Variants in ITCH observed in about 807,000 individuals in gnomAD.
The protein encoded by ITCH is E3 ubiquitin-protein ligase Itchy homolog.
In ITCH, 28 loss-of-function variants were observed where a neutral mutation model predicts 126.8. The ratio of observed to expected loss-of-function variants is 0.22; its 90% CI spans 0.16 to 0.30. The LOEUF (loss-of-function observed/expected upper bound fraction) is 0.30. Among genes scored for constraint, ITCH ranks in the 10% least tolerant of loss-of-function variants. The pLI is 1.00. For missense variants in ITCH, 631 were observed against 1,032.4 expected (o/e 0.61, Z 5.33); for synonymous variants, 342 against 340.0 (o/e 1.01, Z -0.06).
chr20:34,435,656 A>G (rs1206854159), intron 7 of ITCH, among the ~76,000 whole-genome samples: 1 of 152,216 alleles, frequency 6.6e-6, no homozygotes, highest in Non-Finnish European at 1.5e-5. Context: ...TGACTTCTCA[A>G]CTGGAACATT....
At chr20:34,422,001 T>C (rs1980841389) in intron 6 of ITCH, among the ~76,000 whole-genome samples, 1 of 152,126 alleles carries the variant, frequency 6.6e-6, no homozygotes, top group Non-Finnish European at 1.5e-5. Context: ...GGACAATGCA[T>C]CAAGACCCTT....
chr20:34,445,169 T>C, intron 10 of ITCH, 118 bp from the exon 11 acceptor site: 1 of 1,130,844 alleles, frequency 8.8e-7, no homozygotes, highest in South Asian at 1.4e-5. Flanking sequence ...ACAAACTATT[T>C]AAAAATACAT....
chr20:34,433,672 AC>A (rs1311513083), intron 7 of ITCH, among the ~76,000 whole-genome samples: 16 of 150,906 alleles, frequency 1.1e-4, no homozygotes, highest in African/African-American at 3.9e-4. Flanking sequence ...AAAAAAAAAA[AC>A]CCAAAAAGAC....
intron 6 of ITCH, among the ~76,000 whole-genome samples, chr20:34,419,081 T>C (rs1487315998): frequency 3.3e-5 from 5 of 152,122 alleles, no homozygotes; most frequent in Non-Finnish European, 7.4e-5. Context: ...CCTTTCAACA[T>C]GTATGTTATG....
In ITCH at chr20:34,438,607, C is replaced by T; in HGVS notation, c.655C>T (p.Pro219Ser). The T allele has an allele frequency of 6.2e-7, 1 of 1,614,056 alleles. No homozygotes were observed. The highest frequency in any genetic ancestry group is 1.1e-5 in the South Asian group (1 of 91,076). ...PSRPPRPSRPPPPTPRRPASV... is the reference protein window; with the variant it reads ...PSRPPRPSRPSPPTPRRPASV... ...TAGACCTCCAAGACCTTCACGACCA[C>T]CACCACCCACCCCACGTAGACCAGG... Residue 219 changes from proline to serine, a missense_variant, in exon 8 of 25, where the codon CCA becomes TCA. Coordinates refer to ENST00000374864, the MANE Select transcript of ITCH (RefSeq NM_031483.7).
intron 2 of ITCH, among the ~76,000 whole-genome samples, chr20:34,377,682 G>T (rs2037899033): frequency 6.6e-6 from 1 of 151,992 alleles, no homozygotes; most frequent in Admixed American, 6.6e-5. Context: ...TGGGCAACAT[G>T]GAGAAACCCT....
intron 7 of ITCH, among the ~76,000 whole-genome samples, chr20:34,435,948 T>A (rs1200117524): frequency 1.3e-5 from 2 of 152,050 alleles, no homozygotes; most frequent in Non-Finnish European, 2.9e-5. Context: ...GATTTTAGAG[T>A]TCAAGATCTA....
At chr20:34,445,258 T>TG in intron 10 of ITCH, 29 bp from the exon 11 acceptor site, 1 of 1,545,962 alleles carries the variant, frequency 6.5e-7, no homozygotes, top group Non-Finnish European at 8.8e-7. Flanking sequence ...TTGAATTAGC[T>TG]TGTTTTTTTT....
rs934270957 is a variant in ITCH, at chr20:34,492,360, G to T, written c.2320-141G>T. 5 of 584,226 alleles carry T rather than the reference G, an allele frequency of 8.6e-6. No homozygotes were observed. The African/African-American group carries it at 9.4e-5, about 11-fold the overall frequency. 36.2% of individuals were successfully genotyped at this position (584,226 alleles called of 1,614,324 possible). A position where few individuals can be genotyped will look rare whatever the true frequency, so the allele number is the denominator to read the frequency against. ...TGCAATCAGCTATGATTGCATCACT[G>T]CACCCCAGCCTGGGCCACAGAGCCT... On this transcript the variant is annotated intron_variant, in intron 22 of 24. Transcript: ENST00000374864.
intron 12 of ITCH, among the ~76,000 whole-genome samples, chr20:34,453,010 A>T (rs1985444696): frequency 6.6e-6 from 1 of 152,180 alleles, no homozygotes; most frequent in Admixed American, 6.5e-5. Context: ...GAATGACAAG[A>T]AGTGTCTGTT....
chr20:34,400,785 T>C (rs2038855536), intron 3 of ITCH, among the ~76,000 whole-genome samples: 2 of 151,032 alleles, frequency 1.3e-5, no homozygotes, highest in African/African-American at 4.9e-5. Flanking sequence ...TGAAACAGAG[T>C]CTCGCTCTGT....
At chr20:34,372,347 G>A (rs2037668110) in intron 2 of ITCH, among the ~76,000 whole-genome samples, 1 of 137,566 alleles carries the variant, frequency 7.3e-6, no homozygotes, top group African/African-American at 2.8e-5. Flanking sequence ...AATGTCTGAT[G>A]CTTTATAAAT....
intron 18 of ITCH, among the ~76,000 whole-genome samples, 184 bp from the exon 19 acceptor site, chr20:34,480,415 T>A (rs1988631610): frequency 6.6e-6 from 1 of 151,994 alleles, no homozygotes; most frequent in Non-Finnish European, 1.5e-5. Context: ...TTGGTCAGTC[T>A]GGTCTCGAAC....
At chr20:34,384,175 G>A (rs1342501667) in intron 2 of ITCH, 1 of 134,754 alleles carries the variant, frequency 7.4e-6, no homozygotes, top group African/African-American at 2.7e-5. Flanking sequence ...TTTAAGTCAA[G>A]TGAAGCAGTG....
At chr20:34,481,284 AG>A in intron 20 of ITCH, 78 bp downstream of exon 20, 10 of 1,392,864 alleles carry the variant, frequency 7.2e-6, no homozygotes, top group Non-Finnish European at 1.0e-5. Flanking sequence ...ACTAATGGAG[AG>A]TATCTCCAAA....
At chr20:34,390,326 C>G (rs2038439533) in intron 2 of ITCH, among the ~76,000 whole-genome samples, 1 of 151,706 alleles carries the variant, frequency 6.6e-6, no homozygotes, top group Non-Finnish European at 1.5e-5. Context: ...TGCTCAAGTT[C>G]ACAGAGTAAC....
intron 23 of ITCH, among the ~76,000 whole-genome samples, chr20:34,499,696 G>T (rs1990131242): frequency 1.3e-5 from 2 of 150,450 alleles, no homozygotes; most frequent in Admixed American, 6.6e-5. Flanking sequence ...GTTTATTTCT[G>T]TTTTGATCTT....
chr20:34,496,803 C>CAAA (rs60619641), intron 23 of ITCH, among the ~76,000 whole-genome samples: 7 of 99,386 alleles, frequency 7.0e-5, no homozygotes, highest in African/African-American at 2.3e-4. Flanking sequence ...CACTCCATCT[C>CAAA]AAAAAAAAAA....
At chr20:34,433,877 G>T (rs1982660114) in intron 7 of ITCH, among the ~76,000 whole-genome samples, 1 of 152,128 alleles carries the variant, frequency 6.6e-6, no homozygotes, top group Non-Finnish European at 1.5e-5. Context: ...ACTGACAAGA[G>T]ATAGTCCTAT....
Sources: gnomAD v4.1 joint callset for allele counts (sites outside exome capture counted in the v4.1 genomes callset) on GRCh38, gnomAD v4.1.1 for gene constraint, MANE v1.5 for transcripts, NCBI Gene and HGNC (gene_info 2026-07-23, HGNC 2026-07-21) for gene names.